UBAP2: variants seen among roughly 807,000 people sequenced by gnomAD.
The protein encoded by UBAP2 is ubiquitin-associated protein 2.
A neutral mutation model predicts 139.6 loss-of-function variants in UBAP2; 75 were observed. That is an observed-to-expected ratio of 0.54 (90% CI 0.45 to 0.65). The LOEUF is 0.65. Among genes scored for constraint, UBAP2 ranks in the 30% least tolerant of loss-of-function variants. The probability of loss-of-function intolerance (pLI) is 0.00; values close to 1 mark genes in which losing one functional copy is unlikely to be tolerated. For missense variants in UBAP2, 1,368 were observed against 1,369.6 expected, an observed-to-expected ratio of 1.00 and a Z score of 0.02; for synonymous variants, 526 against 526.2, an observed-to-expected ratio of 1.00 and a Z score of 0.01.
chr9:34,006,528 T>G (rs932609708), intron 2 of UBAP2, among the ~76,000 whole-genome samples: 4 of 151,974 alleles, frequency 2.6e-5, no homozygotes, highest in Non-Finnish European at 4.4e-5. Context: ...AATACAAAAA[T>G]TAACCAGTGT....
chr9:33,979,766 G>A (rs972575772), intron 6 of UBAP2, among the ~76,000 whole-genome samples: 1 of 151,920 alleles, frequency 6.6e-6, no homozygotes, highest in African/African-American at 2.4e-5. Flanking sequence ...TACATGGGAG[G>A]CTGAGGCAGG....
chr9:33,957,663 G>T (rs376994988), intron 10 of UBAP2, among the ~76,000 whole-genome samples: 13 of 152,218 alleles, frequency 8.5e-5, no homozygotes, highest in African/African-American at 3.1e-4. Flanking sequence ...TTTTCAATGT[G>T]GGGACTCGGC....
chr9:33,980,539 C>T (rs1357564806), intron 6 of UBAP2, among the ~76,000 whole-genome samples: 3 of 151,816 alleles, frequency 2.0e-5, no homozygotes, highest in Non-Finnish European at 4.4e-5. Context: ...CCGCACCCGG[C>T]GAGCGTCATT....
At chr9:34,009,485 C>A (rs774694445) in intron 2 of UBAP2, among the ~76,000 whole-genome samples, 17 of 152,248 alleles carry the variant, frequency 1.1e-4, no homozygotes, top group Non-Finnish European at 2.4e-4. Context: ...GTCTTGAACT[C>A]CAGAGCTCAA....
chr9:34,035,004 C>T (rs764604521), intron 1 of UBAP2, among the ~76,000 whole-genome samples: 1 of 152,140 alleles, frequency 6.6e-6, no homozygotes, highest in Non-Finnish European at 1.5e-5. Context: ...TTGTAAGCAA[C>T]AACTACATAA....
intron 2 of UBAP2, 33 bp from the exon 3 acceptor site, chr9:33,998,897 A>C (rs1822432326): frequency 6.3e-7 from 1 of 1,582,130 alleles, no homozygotes; most frequent in South Asian, 1.1e-5. Flanking sequence ...AAGGATTTGA[A>C]CACCAAAAGC....
rs1413005297 is a variant in UBAP2 at position 33,989,107 on chromosome 9, C to T, written c.308G>A (p.Gly103Glu). ...TTTTGCAAAATTCTTTTTCTTACAC[C>T]CTACAGTCTCCCATGAAGTCTATCA... ...NSDTTSWETV[G>E]CKKKNFAKEN... The change falls in exon 5 of 29, where the codon GGG (glycine) becomes GAG (glutamate). Residue 103 changes from glycine to glutamate, a missense_variant. Transcript: ENST00000379238. 3 of 1,612,548 alleles carry T rather than the reference C, an allele frequency of 1.9e-6. No homozygotes were observed. Among genetic ancestry groups the T allele is most frequent in the Admixed American group, 1.7e-5 (1 of 59,616 alleles).
chr9:33,996,071 C>G, intron 4 of UBAP2, 152 bp downstream of exon 4: 1 of 585,460 alleles, frequency 1.7e-6, no homozygotes. Context: ...CAAAAACAGT[C>G]TTTTCAGGTA....
chr9:33,932,047 C>T (rs898503909), intron 19 of UBAP2, among the ~76,000 whole-genome samples: 2 of 152,168 alleles, frequency 1.3e-5, no homozygotes, highest in African/African-American at 2.4e-5. Flanking sequence ...GCCATGCTCA[C>T]GGCTCCACGA....
intron 15 of UBAP2, among the ~76,000 whole-genome samples, chr9:33,942,997 A>G (rs949356481): frequency 6.6e-6 from 1 of 152,244 alleles, no homozygotes; most frequent in African/African-American, 2.4e-5. Context: ...AAATGTCCAT[A>G]GCAGCATCAT....
intron 11 of UBAP2, 97 bp from the exon 12 acceptor site, chr9:33,953,571 A>T (rs532471315): frequency 7.9e-6 from 10 of 1,268,694 alleles, no homozygotes; most frequent in Non-Finnish European, 9.7e-6. Context: ...TTTACATTAA[A>T]AATCAAATGA....
In UBAP2 at chr9:33,969,921, C is replaced by CTTTTTTTTT. The variant is rs1173625005; in HGVS notation, c.679+1721_679+1729dup. On this transcript the variant is annotated intron_variant, in intron 8 of 28. Transcript: ENST00000379238. ...GCAAACTTAAATACCGTGTATAATT[C>CTTTTTTTTT]TTTTTTTTTTTTTTTTTTTTTTTTT... Among the ~76,000 whole-genome samples, 18 of 46,154 alleles carry CTTTTTTTTT rather than the reference C, an allele frequency of 3.9e-4. 1 individual carries two copies. Among genetic ancestry groups the CTTTTTTTTT allele is most frequent in the African/African-American group, 1.4e-3 (16 of 11,252 alleles). The allele number at this position is 46,154 out of a possible 152,430, so 30.3% of individuals were successfully genotyped here. A position where few individuals can be genotyped will look rare whatever the true frequency, so the allele number is the denominator to read the frequency against.
At chr9:33,986,712 T>C (rs374943802) in intron 6 of UBAP2, 48 bp downstream of exon 6, 262 of 1,523,350 alleles carry the variant, frequency 1.7e-4, no homozygotes, top group Non-Finnish European at 2.2e-4. Context: ...AACTGCCTGC[T>C]TCTTCCCCCT....
chr9:34,016,182 A>G (rs1468116690), intron 2 of UBAP2, among the ~76,000 whole-genome samples: 10 of 60,852 alleles, frequency 1.6e-4, no homozygotes, highest in African/African-American at 2.9e-4. Context: ...AGGAGGAGGA[A>G]GAGGAGGAAT....
chr9:33,933,531 G>T lies in UBAP2; in HGVS notation c.2067C>A (p.His689Gln), dbSNP rs1564018433. 6.2e-7 allele frequency: 1 copy of T among 1,614,050 alleles called. No homozygotes were observed. The highest frequency in any genetic ancestry group is 2.2e-5 in the East Asian group (1 of 44,884). The change falls in exon 18 of 29, where the codon CAC (histidine) becomes CAA (glutamine). Residue 689 changes from histidine to glutamine, a missense_variant. Physicochemically the swap from His to Gln is conservative, Grantham distance 24 (BLOSUM62 0). Coordinates refer to ENST00000379238, the MANE Select transcript of UBAP2 (RefSeq NM_001370062.2). The part of the protein sequence containing the change: ...CTALLPSTSQ[H>Q]TGDLTSSPLS... The stretch of plus-strand genomic sequence containing the variant: ...GAGGGCTGCTAGTCAGGTCGCCAGT[G>T]TGCTGGGATGTGGACGGCAGAAGTG...
rs781260546 is a variant in UBAP2 at position 33,923,181 on chromosome 9, A to G, written c.3004+5T>C. ...CTTATCCTGGAAAGGAGAGGTAAAC[A>G]CTACCTTTGCCAGGCCCAGAACCTG... On this transcript the variant is annotated splice_donor_5th_base_variant and intron_variant, in intron 26 of 28. Transcript: ENST00000379238. The G allele has an allele frequency of 2.4e-4, 384 of 1,614,028 alleles. 1 individual carries two copies. Among genetic ancestry groups the G allele is most frequent in the Middle Eastern group, 8.2e-4 (5 of 6,084 alleles).
intron 6 of UBAP2, among the ~76,000 whole-genome samples, chr9:33,977,530 A>C (rs950374771): frequency 7.2e-5 from 11 of 152,118 alleles, no homozygotes; most frequent in Non-Finnish European, 1.5e-4. Context: ...AAAGATCCAG[A>C]GTCTTTTAAT....
At chr9:34,015,350 G>A (rs556244348) in intron 2 of UBAP2, among the ~76,000 whole-genome samples, 2 of 152,070 alleles carry the variant, frequency 1.3e-5, no homozygotes, top group South Asian at 2.1e-4. Flanking sequence ...ACAGAGTCTC[G>A]CTCTGTTGCC....
chr9:33,942,305 TG>T (rs1825293870), intron 15 of UBAP2, among the ~76,000 whole-genome samples: 1 of 151,504 alleles, frequency 6.6e-6, no homozygotes, highest in Non-Finnish European at 1.5e-5. Flanking sequence ...AGCAAGACTC[TG>T]TCTAGAAAAA....
Sources: gnomAD v4.1 joint callset for allele counts (sites outside exome capture counted in the v4.1 genomes callset) on GRCh38, gnomAD v4.1.1 for gene constraint, MANE v1.5 for transcripts, NCBI Gene and HGNC (gene_info 2026-07-23, HGNC 2026-07-21) for gene names.